The following CDIN1 variants were observed in gnomAD, a reference collection of about 807,000 sequenced individuals.
CDIN1 encodes the protein CDAN1 interacting nuclease 1.
A neutral mutation model predicts 45.3 loss-of-function variants in CDIN1; 33 were observed. The observed-to-expected ratio is 0.73, with a 90% CI of 0.55 to 0.97. The LOEUF (loss-of-function observed/expected upper bound fraction) is 0.97, where lower values mean the gene tolerates loss of function less well. Ranked by LOEUF, CDIN1 falls within the 50% of genes least tolerant of loss-of-function variation. The probability of loss-of-function intolerance (pLI) is 0.00; values close to 1 mark genes in which losing one functional copy is unlikely to be tolerated. For missense variants in CDIN1, 303 were observed against 339.4 expected (o/e 0.89, Z 0.84); for synonymous variants, 118 against 124.4 (o/e 0.95, Z 0.34).
chr15:36,619,031 T>C (rs1161789726), intron 1 of CDIN1: 2 of 1,388,900 alleles, frequency 1.4e-6, no homozygotes, highest in Non-Finnish European at 9.9e-7. Context: ...TCCAATGTAG[T>C]GTCTCCCACG....
intron 5 of CDIN1, chr15:36,691,306 T>C (rs772585407): frequency 5.3e-6 from 2 of 375,650 alleles, no homozygotes; most frequent in Non-Finnish European, 5.0e-6. Context: ...CCTGTCTTCA[T>C]TAAACTCTTC....
chr15:36,718,042 T>C (rs1350311991), intron 10 of CDIN1, among the ~76,000 whole-genome samples: 1 of 152,098 alleles, frequency 6.6e-6, no homozygotes, highest in African/African-American at 2.4e-5. Flanking sequence ...TGAGTTTTGG[T>C]AGTGCATTTT....
At chr15:36,638,208 GTA>G (rs1000618770) in intron 1 of CDIN1, among the ~76,000 whole-genome samples, 1 of 152,138 alleles carries the variant, frequency 6.6e-6, no homozygotes, top group Non-Finnish European at 1.5e-5. Flanking sequence ...ATTTTTAAAT[GTA>G]TATGTGTGTG....
At chr15:36,794,006 T>A (rs938046217) in intron 10 of CDIN1, among the ~76,000 whole-genome samples, 1 of 98,144 alleles carries the variant, frequency 1.0e-5, no homozygotes, top group Non-Finnish European at 2.3e-5. Flanking sequence ...TTCATTATTT[T>A]CTTACTGTGG....
chr15:36,715,192 TTCTA>T (rs148510386), intron 10 of CDIN1, among the ~76,000 whole-genome samples: 3,204 of 152,242 alleles, frequency 0.021, 115 homozygotes, highest in African/African-American at 0.074. Flanking sequence ...AAGAGCTGAG[TTCTA>T]TCTGTCAGAT....
intron 10 of CDIN1, among the ~76,000 whole-genome samples, chr15:36,768,648 C>T (rs1159392259): frequency 6.6e-6 from 1 of 152,156 alleles, no homozygotes; most frequent in Non-Finnish European, 1.5e-5. Flanking sequence ...CTGTAAACTG[C>T]TGCGAGAATA....
At chr15:36,702,082 C>A (rs1305084015) in intron 8 of CDIN1, 1 of 702,082 alleles carries the variant, frequency 1.4e-6, no homozygotes, top group Non-Finnish European at 2.6e-6. Context: ...ACGCAGATGT[C>A]AGTGGCAGAG....
chr15:36,761,356 T>C (rs1008778663), intron 10 of CDIN1, among the ~76,000 whole-genome samples: 1 of 152,228 alleles, frequency 6.6e-6, no homozygotes, highest in African/African-American at 2.4e-5. Context: ...CAGACCTTAT[T>C]GGCTCTTCTT....
At chr15:36,754,474 G>C (rs2140979966) in intron 10 of CDIN1, among the ~76,000 whole-genome samples, 1 of 151,514 alleles carries the variant, frequency 6.6e-6, no homozygotes, top group South Asian at 2.1e-4. Context: ...TCTTTTTATG[G>C]GGCAGCTATT....
intron 10 of CDIN1, among the ~76,000 whole-genome samples, chr15:36,757,658 A>G (rs1419201297): frequency 1.3e-5 from 2 of 151,672 alleles, no homozygotes; most frequent in Non-Finnish European, 2.9e-5. Context: ...TGTGTACACT[A>G]CCCGCCTGTT....
chr15:36,679,598 C>G (rs2041780208), intron 5 of CDIN1, among the ~76,000 whole-genome samples: 1 of 152,006 alleles, frequency 6.6e-6, no homozygotes, highest in Non-Finnish European at 1.5e-5. Context: ...CCTAGTTTAC[C>G]TTTTTTCAAG....
chr15:36,721,829 A>C (rs1455212806), intron 10 of CDIN1, among the ~76,000 whole-genome samples: 1 of 151,016 alleles, frequency 6.6e-6, no homozygotes, highest in Non-Finnish European at 1.5e-5. Context: ...TCTCCTGCTG[A>C]TATTGTGCCC....
intron 10 of CDIN1, among the ~76,000 whole-genome samples, chr15:36,751,695 C>T (rs1043156617): frequency 2.0e-5 from 3 of 152,030 alleles, no homozygotes; most frequent in African/African-American, 7.2e-5. Flanking sequence ...GATACATGCA[C>T]GTGTATGTTC....
At chr15:36,729,722 T>G (rs1046837985) in intron 10 of CDIN1, among the ~76,000 whole-genome samples, 1 of 152,198 alleles carries the variant, frequency 6.6e-6, no homozygotes, top group African/African-American at 2.4e-5. Flanking sequence ...AAAGTTGTCC[T>G]TCCCCCACTA....
chr15:36,741,458 C>CT (rs541497919), intron 10 of CDIN1, among the ~76,000 whole-genome samples: 430 of 130,534 alleles, frequency 3.3e-3, no homozygotes, highest in South Asian at 8.7e-3. Flanking sequence ...ATTTGAAAAG[C>CT]TTTTTTTTTT....
intron 10 of CDIN1, among the ~76,000 whole-genome samples, chr15:36,728,405 T>C (rs898524205): frequency 6.6e-6 from 1 of 152,150 alleles, no homozygotes; most frequent in Admixed American, 6.5e-5. Flanking sequence ...TTACCAATCC[T>C]CTGCATCTTG....
intron 10 of CDIN1, among the ~76,000 whole-genome samples, chr15:36,711,871 A>G (rs188146765): frequency 4.6e-5 from 7 of 152,276 alleles, no homozygotes; most frequent in African/African-American, 1.4e-4. Context: ...ATTTACTTAT[A>G]TATAAAATTT....
chr15:36,690,831 G>T (rs1260634022), intron 5 of CDIN1, among the ~76,000 whole-genome samples: 1 of 152,082 alleles, frequency 6.6e-6, no homozygotes, highest in Admixed American at 6.5e-5. Flanking sequence ...CTAGAGACCT[G>T]CCCTTCTCCC....
chr15:36,798,234 G>T (rs186422651), intron 10 of CDIN1, among the ~76,000 whole-genome samples: 1 of 152,202 alleles, frequency 6.6e-6, no homozygotes, highest in African/African-American at 2.4e-5. Context: ...TTTGATAACT[G>T]CAAGGCCAGG....
Sources: gnomAD v4.1 joint callset for allele counts (sites outside exome capture counted in the v4.1 genomes callset) on GRCh38, gnomAD v4.1.1 for gene constraint, MANE v1.5 for transcripts, NCBI Gene and HGNC (gene_info 2026-07-23, HGNC 2026-07-21) for gene names.